Variants in GRM5 observed in about 807,000 individuals in gnomAD.
The protein encoded by GRM5 is metabotropic glutamate receptor 5.
GRM5 carries 19 observed loss-of-function variants against 83.1 expected under a neutral mutation model. The observed-to-expected ratio is 0.23, with a 90% CI of 0.16 to 0.34. The LOEUF (loss-of-function observed/expected upper bound fraction) is 0.34, where lower values mean the gene tolerates loss of function less well. Among genes scored for constraint, GRM5 ranks in the 10% least tolerant of loss-of-function variants. The pLI is 1.00. For missense variants in GRM5, 1,160 were observed against 1,588.3 expected (o/e 0.73, Z 4.58); for synonymous variants, 675 against 633.6 (o/e 1.07, Z -0.98).
At chr11:88,969,453 CT>C (rs1427612941) in intron 2 of GRM5, among the ~76,000 whole-genome samples, 1 of 152,078 alleles carries the variant, frequency 6.6e-6, no homozygotes, top group African/African-American at 2.4e-5. Flanking sequence ...AAAAGAACAT[CT>C]TTATGTCAGT....
intron 7 of GRM5, among the ~76,000 whole-genome samples, chr11:88,578,302 C>A (rs1001673814): frequency 2.0e-5 from 3 of 151,986 alleles, no homozygotes; most frequent in Admixed American, 2.0e-4. Flanking sequence ...AAGCATTTTC[C>A]AAGTAGGTTA....
chr11:88,506,996 G>A lies in GRM5; in HGVS notation c.*1596C>T, dbSNP rs1301563986. ...GGTCAACTGAACTTTAAATTTATAG[G>A]ACACCTCCTCCATTTATTACTATCC... On this transcript the variant is annotated 3_prime_UTR_variant, in exon 10 of 10. Coordinates refer to ENST00000305447, the MANE Select transcript of GRM5 (RefSeq NM_001143831.3). 6.9e-6 allele frequency: 1 copy of A among 144,654 alleles called. No homozygotes were observed. Among genetic ancestry groups the A allele is most frequent in the Non-Finnish European group, 1.5e-5 (1 of 67,974 alleles). The allele number at this position is 144,654 out of a possible 1,614,324, so 9.0% of individuals were successfully genotyped here. A position where few individuals can be genotyped will look rare whatever the true frequency, so the allele number is the denominator to read the frequency against.
chr11:88,852,160 A>T (rs1041734101), intron 2 of GRM5, among the ~76,000 whole-genome samples: 1 of 152,200 alleles, frequency 6.6e-6, no homozygotes, highest in African/African-American at 2.4e-5. Context: ...ACTGTTAAAC[A>T]AGAAAAGACA....
At chr11:88,686,624 C>T (rs1940627940) in intron 3 of GRM5, among the ~76,000 whole-genome samples, 1 of 152,060 alleles carries the variant, frequency 6.6e-6, no homozygotes, top group South Asian at 2.1e-4. Flanking sequence ...TGGGAGGGAA[C>T]TAGTGGGAGA....
intron 4 of GRM5, among the ~76,000 whole-genome samples, chr11:88,628,290 G>A (rs1938861602): frequency 6.6e-6 from 1 of 152,200 alleles, no homozygotes; most frequent in Non-Finnish European, 1.5e-5. Flanking sequence ...TGATGGAAGA[G>A]ATTAACCGCT....
At chr11:89,060,592 G>A (rs1184757811) in intron 1 of GRM5, among the ~76,000 whole-genome samples, 1 of 152,046 alleles carries the variant, frequency 6.6e-6, no homozygotes, top group Non-Finnish European at 1.5e-5. Flanking sequence ...ATAAATAGTA[G>A]TTATTAGAGC....
chr11:88,937,815 G>A (rs1025910639), intron 2 of GRM5, among the ~76,000 whole-genome samples: 1 of 151,704 alleles, frequency 6.6e-6, no homozygotes, highest in Non-Finnish European at 1.5e-5. Flanking sequence ...TAATACCTGT[G>A]AGCAAAGCCA....
At chr11:88,954,514 T>C (rs1481734136) in intron 2 of GRM5, among the ~76,000 whole-genome samples, 7 of 152,120 alleles carry the variant, frequency 4.6e-5, no homozygotes, top group Non-Finnish European at 1.0e-4. Flanking sequence ...TATAATCAGG[T>C]CTAACATGAG....
intron 4 of GRM5, among the ~76,000 whole-genome samples, chr11:88,645,033 A>G (rs1217006596): frequency 2.0e-5 from 3 of 152,150 alleles, no homozygotes; most frequent in Non-Finnish European, 4.4e-5. Context: ...TGGTACATGA[A>G]TTGTTAAGAT....
chr11:88,882,395 C>A (rs976965539), intron 2 of GRM5, among the ~76,000 whole-genome samples: 5 of 136,884 alleles, frequency 3.7e-5, no homozygotes, highest in South Asian at 2.4e-4. Flanking sequence ...ACTAAAAATA[C>A]AAAAAAAAAA....
intron 3 of GRM5, among the ~76,000 whole-genome samples, chr11:88,839,427 C>T (rs2135528853): frequency 6.6e-6 from 1 of 152,144 alleles, no homozygotes; most frequent in East Asian, 1.9e-4. Context: ...GAAATATTGA[C>T]ATAAGATAAT....
chr11:88,679,080 A>G (rs191011530), intron 3 of GRM5, among the ~76,000 whole-genome samples: 19 of 152,298 alleles, frequency 1.2e-4, no homozygotes, highest in African/African-American at 4.3e-4. Context: ...TCAGATTTAT[A>G]TTTTAGAAAC....
chr11:88,632,108 C>T (rs566985777), intron 4 of GRM5, among the ~76,000 whole-genome samples: 2 of 152,096 alleles, frequency 1.3e-5, no homozygotes, highest in South Asian at 4.1e-4. Context: ...TATCCATCAC[C>T]TCCACGACGT....
intron 3 of GRM5, among the ~76,000 whole-genome samples, chr11:88,668,269 A>T (rs1293301949): frequency 6.9e-6 from 1 of 145,004 alleles, no homozygotes; most frequent in Non-Finnish European, 1.5e-5. Context: ...AATCAGTGGA[A>T]GTTTATTTAA....
intron 4 of GRM5, among the ~76,000 whole-genome samples, chr11:88,635,164 T>C (rs1049715041): frequency 2.6e-5 from 4 of 152,224 alleles, no homozygotes; most frequent in African/African-American, 9.6e-5. Flanking sequence ...ATATACTGGT[T>C]TCATTTCCTT....
intron 2 of GRM5, among the ~76,000 whole-genome samples, chr11:88,959,914 TTTC>T (rs1192095159): frequency 6.6e-6 from 1 of 152,312 alleles, no homozygotes; most frequent in East Asian, 1.9e-4. Flanking sequence ...TTGGAAAGAT[TTTC>T]TTTTCTTGTT....
At chr11:88,526,187 C>G (rs1054222868) in intron 8 of GRM5, among the ~76,000 whole-genome samples, 4 of 152,076 alleles carry the variant, frequency 2.6e-5, no homozygotes, top group Non-Finnish European at 5.9e-5. Flanking sequence ...ATTGGCAGTT[C>G]ACCGCGCTTT....
At chr11:88,780,132 T>C (rs1942944932) in intron 3 of GRM5, among the ~76,000 whole-genome samples, 1 of 152,186 alleles carries the variant, frequency 6.6e-6, no homozygotes, top group South Asian at 2.1e-4. Flanking sequence ...CATGGTATCC[T>C]GTTTTCCTTG....
In GRM5 at chr11:88,799,140, T is replaced by C. The variant is rs567755799; in HGVS notation, c.911+50766A>G. ...CAACTTAAAAAGTATTTGGCACTTT[T>C]AGAAATTTCTCTTAAAAGCTACTAA... On this transcript the variant is annotated intron_variant, in intron 3 of 9. Transcript: ENST00000305447. Among the ~76,000 whole-genome samples, 9 of 152,252 alleles carry C rather than the reference T, an allele frequency of 5.9e-5. 1 individual carries two copies. In the South Asian group the frequency reaches 1.9e-3, roughly 32 times the overall value.
Sources: allele counts gnomAD v4.1 joint callset (sites outside exome capture counted in the v4.1 genomes callset), GRCh38; gene constraint gnomAD v4.1.1; transcripts MANE v1.5; gene names NCBI Gene and HGNC (gene_info 2026-07-23, HGNC 2026-07-21).